The following SKAP1 variants were observed in gnomAD, a reference collection of about 807,000 sequenced individuals.
SKAP1 encodes the protein src kinase-associated phosphoprotein 1.
Under a neutral mutation model 58.5 loss-of-function variants are expected in SKAP1, and 44 were observed. The ratio of observed to expected loss-of-function variants is 0.75; its 90% CI spans 0.59 to 0.97. SKAP1 has a LOEUF of 0.97. Ranked by LOEUF, SKAP1 falls within the 50% of genes least tolerant of loss-of-function variation. SKAP1 has a pLI of 0.00. For synonymous variants in SKAP1, 127 were observed against 149.7 expected (o/e 0.85, Z 1.11); for missense variants, 390 against 435.2 (o/e 0.90, Z 0.92).
At chr17:48,268,615 C>T (rs2065586518) in intron 4 of SKAP1, among the ~76,000 whole-genome samples, 1 of 152,072 alleles carries the variant, frequency 6.6e-6, no homozygotes, top group Non-Finnish European at 1.5e-5. Context: ...CCTCAGCCTC[C>T]AGAGTAGTTG....
At chr17:48,266,424 C>T (rs1323075392) in intron 4 of SKAP1, among the ~76,000 whole-genome samples, 2 of 152,056 alleles carry the variant, frequency 1.3e-5, no homozygotes, top group African/African-American at 4.8e-5. Flanking sequence ...ACTATTGAAA[C>T]CGTTAGTTCA....
the SKAP1 span, among the ~76,000 whole-genome samples, chr17:48,443,453 G>A: frequency 8.0e-6 from 1 of 125,774 alleles, no homozygotes; most frequent in Non-Finnish European, 1.7e-5. Context: ...AGTGCTACAA[G>A]GTAAGTCTGT....
At chr17:48,175,444 G>T (rs1403746453) in intron 9 of SKAP1, among the ~76,000 whole-genome samples, 2 of 152,194 alleles carry the variant, frequency 1.3e-5, no homozygotes, top group Non-Finnish European at 2.9e-5. Flanking sequence ...CGGATGTATA[G>T]CACCTCATCA....
At chr17:48,400,098 TTTC>T (rs1035736161) in intron 1 of SKAP1, among the ~76,000 whole-genome samples, 1 of 145,140 alleles carries the variant, frequency 6.9e-6, no homozygotes, top group African/African-American at 2.6e-5. Flanking sequence ...TCTTTTTTCT[TTTC>T]TTTTTTTTTT....
chr17:48,171,419 T>TA (rs1050068472), intron 9 of SKAP1, among the ~76,000 whole-genome samples: 5 of 152,008 alleles, frequency 3.3e-5, no homozygotes, highest in Non-Finnish European at 5.9e-5. Context: ...ACTGTGTTCT[T>TA]AAAAAAAATA....
chr17:48,180,736 CAA>C (rs1049834158), intron 8 of SKAP1, among the ~76,000 whole-genome samples: 2 of 152,040 alleles, frequency 1.3e-5, no homozygotes, highest in Non-Finnish European at 2.9e-5. Context: ...GAATTTCAGA[CAA>C]GTTTGTTCGC....
At chr17:48,343,060 C>G (rs1183693786) in intron 4 of SKAP1, among the ~76,000 whole-genome samples, 1 of 152,054 alleles carries the variant, frequency 6.6e-6, no homozygotes, top group Non-Finnish European at 1.5e-5. Context: ...TATAAAGACA[C>G]TAACTTTATA....
At chr17:48,179,959 T>G in intron 9 of SKAP1, 95 bp downstream of exon 9, 1 of 1,178,188 alleles carries the variant, frequency 8.5e-7, no homozygotes, top group Non-Finnish European at 1.2e-6. Context: ...AGGGTTAGAT[T>G]TGGCTTCCTT....
chr17:48,316,735 G>C (rs1567865298), intron 4 of SKAP1, among the ~76,000 whole-genome samples: 1 of 152,240 alleles, frequency 6.6e-6, no homozygotes, highest in East Asian at 1.9e-4. Context: ...TCCACCTAAT[G>C]TTCATTTGAA....
chr17:48,211,911 G>A (rs1042730617), intron 4 of SKAP1, among the ~76,000 whole-genome samples: 1 of 151,682 alleles, frequency 6.6e-6, no homozygotes, highest in Non-Finnish European at 1.5e-5. Context: ...CCCTCTACCT[G>A]CTTAAGGACA....
At chr17:48,311,710 G>C (rs1598552389) in intron 4 of SKAP1, among the ~76,000 whole-genome samples, 1 of 152,236 alleles carries the variant, frequency 6.6e-6, no homozygotes, top group East Asian at 1.9e-4. Context: ...CGAGGCACCT[G>C]CCTCCTAGGA....
intron 11 of SKAP1, among the ~76,000 whole-genome samples, chr17:48,151,833 GA>G (rs1207192130): frequency 3.9e-5 from 6 of 151,974 alleles, no homozygotes; most frequent in Admixed American, 2.6e-4. Flanking sequence ...GCATTTAAAA[GA>G]AAAAAATATT....
chr17:48,192,896 GT>G (rs1410146504), intron 4 of SKAP1, among the ~76,000 whole-genome samples: 1 of 152,170 alleles, frequency 6.6e-6, no homozygotes, highest in Non-Finnish European at 1.5e-5. Context: ...GTCAAACTCA[GT>G]TTGCTAAAAT....
chr17:48,252,711 C>CCAG (rs2065377607), intron 4 of SKAP1, among the ~76,000 whole-genome samples: 1 of 75,994 alleles, frequency 1.3e-5, no homozygotes, highest in African/African-American at 5.4e-5. Context: ...AAGCTCTAAG[C>CCAG]TAGTGTGTGT....
At chr17:48,238,253 C>CA (rs966174184) in intron 4 of SKAP1, among the ~76,000 whole-genome samples, 1 of 152,130 alleles carries the variant, frequency 6.6e-6, no homozygotes, top group Non-Finnish European at 1.5e-5. Flanking sequence ...CTCAGCCTCC[C>CA]AAAATGCTGG....
chr17:48,137,931 A>C (rs142450529), intron 11 of SKAP1, among the ~76,000 whole-genome samples: 1 of 152,204 alleles, frequency 6.6e-6, no homozygotes, highest in Non-Finnish European at 1.5e-5. Context: ...TCTCCCTTCT[A>C]TCTTGTGGGG....
intron 4 of SKAP1, among the ~76,000 whole-genome samples, chr17:48,330,764 G>A (rs933373724): frequency 1.3e-5 from 2 of 152,052 alleles, no homozygotes; most frequent in Admixed American, 1.3e-4. Context: ...AATATCTTTG[G>A]GGGTGTGGGT....
chr17:48,286,043 T>C (rs1285874881), intron 4 of SKAP1, among the ~76,000 whole-genome samples: 14 of 152,220 alleles, frequency 9.2e-5, no homozygotes, highest in Non-Finnish European at 1.2e-4. Flanking sequence ...CAATAAATGA[T>C]TGCAACAGTA....
intron 1 of SKAP1, among the ~76,000 whole-genome samples, chr17:48,397,308 C>A (rs2067434196): frequency 6.6e-6 from 1 of 152,312 alleles, no homozygotes; most frequent in South Asian, 2.1e-4. Flanking sequence ...TCACTGCAAC[C>A]TTCACCTCCC....
Sources: gnomAD v4.1 joint callset for allele counts (sites outside exome capture counted in the v4.1 genomes callset) on GRCh38, gnomAD v4.1.1 for gene constraint, MANE v1.5 for transcripts, NCBI Gene and HGNC (gene_info 2026-07-23, HGNC 2026-07-21) for gene names.